Variants in RALGPS2 observed in about 807,000 individuals in gnomAD.
RALGPS2 encodes Ral GEF with PH domain and SH3 binding motif 2.
A neutral mutation model predicts 86.8 loss-of-function variants in RALGPS2; 43 were observed. That is an observed-to-expected ratio of 0.50 (90% CI 0.39 to 0.64). The LOEUF (loss-of-function observed/expected upper bound fraction) is 0.64. Among genes scored for constraint, RALGPS2 ranks in the 30% least tolerant of loss-of-function variants. The probability of loss-of-function intolerance (pLI) is 0.00; values close to 1 mark genes in which losing one functional copy is unlikely to be tolerated. For missense variants in RALGPS2, 536 were observed against 694.6 expected (o/e 0.77, Z 2.57); for synonymous variants, 243 against 231.3 (o/e 1.05, Z -0.46).
In RALGPS2 at chr1:178,918,416, A is replaced by T. The variant is rs1660880152; in HGVS notation, c.*2057A>T. 6.6e-6 allele frequency: 1 copy of T among 152,138 alleles called. No individual in the cohort carries two copies. Among genetic ancestry groups the T allele is most frequent in the African/African-American group, 2.4e-5 (1 of 41,446 alleles). 9.4% of individuals were successfully genotyped at this position (152,138 alleles called of 1,614,324 possible). ...ATTTTTTTTATTTCATTTGTTTGTC[A>T]TAATAAGCTAACGTAGAAATGTTGT... is the stretch of plus-strand genomic sequence containing the variant. On this transcript the variant is annotated 3_prime_UTR_variant, in exon 20 of 20. Coordinates refer to ENST00000367635, the MANE Select transcript of RALGPS2 (RefSeq NM_152663.5).
At chr1:178,747,209 A>T in intron 1 of RALGPS2, 1 of 1,307,022 alleles carries the variant, frequency 7.7e-7, no homozygotes, top group Admixed American at 1.7e-5. Flanking sequence ...ACGGTGGATC[A>T]CCACAGGTCC....
At chr1:178,835,392 CTTTTTT>C (rs71297889) in intron 8 of RALGPS2, among the ~76,000 whole-genome samples, 1 of 122,048 alleles carries the variant, frequency 8.2e-6, no homozygotes, top group Non-Finnish European at 1.7e-5. Context: ...TCTTTCTTTT[CTTTTTT>C]TTTTTTTTTT....
intron 4 of RALGPS2, among the ~76,000 whole-genome samples, chr1:178,805,148 G>T (rs1654680846): frequency 6.6e-6 from 1 of 150,406 alleles, no homozygotes; most frequent in South Asian, 2.1e-4. Flanking sequence ...TTGTAAATTT[G>T]TTTGAGTTCA....
intron 8 of RALGPS2, among the ~76,000 whole-genome samples, chr1:178,848,622 G>A (rs754719307): frequency 2.5e-4 from 38 of 152,128 alleles, no homozygotes; most frequent in Non-Finnish European, 4.7e-4. Context: ...TGAAGATAAT[G>A]GATCAATGTA....
At chr1:178,760,442 G>T (rs1163201620) in intron 1 of RALGPS2, among the ~76,000 whole-genome samples, 6 of 152,152 alleles carry the variant, frequency 3.9e-5, no homozygotes, top group Admixed American at 2.6e-4. Flanking sequence ...TAATGCCCTT[G>T]TCTTTTTTTA....
chr1:178,908,703 T>C (rs1001881423), intron 19 of RALGPS2, among the ~76,000 whole-genome samples: 4 of 152,230 alleles, frequency 2.6e-5, no homozygotes, highest in Non-Finnish European at 5.9e-5. Context: ...GTTGGCCATG[T>C]GTATTTCTTC....
intron 7 of RALGPS2, among the ~76,000 whole-genome samples, chr1:178,827,467 T>C (rs1655802557): frequency 6.8e-6 from 1 of 146,652 alleles, no homozygotes; most frequent in Non-Finnish European, 1.5e-5. Flanking sequence ...GGATCTCGGC[T>C]CACTGCAAGC....
intron 4 of RALGPS2, among the ~76,000 whole-genome samples, chr1:178,798,623 G>C (rs1170273662): frequency 6.6e-6 from 1 of 152,052 alleles, no homozygotes; most frequent in Non-Finnish European, 1.5e-5. Flanking sequence ...AGTGTAAGGA[G>C]CATTGTGTTT....
intron 4 of RALGPS2, among the ~76,000 whole-genome samples, chr1:178,790,079 G>C (rs548828632): frequency 1.4e-4 from 22 of 152,012 alleles, no homozygotes; most frequent in Admixed American, 4.6e-4. Context: ...CTCCCAAGTA[G>C]CTGGGACCAT....
intron 1 of RALGPS2, among the ~76,000 whole-genome samples, chr1:178,740,105 A>G (rs1447178536): frequency 1.3e-5 from 2 of 152,222 alleles, no homozygotes; most frequent in Non-Finnish European, 2.9e-5. Flanking sequence ...GTGATGCTGT[A>G]AATTATATGA....
At chr1:178,730,694 G>GTT (rs770709282) in intron 1 of RALGPS2, among the ~76,000 whole-genome samples, 4 of 136,330 alleles carry the variant, frequency 2.9e-5, no homozygotes, top group African/African-American at 2.7e-5. Context: ...TGAGAATTCT[G>GTT]TTTTTTTTTT....
chr1:178,825,495 C>G (rs1167391707), intron 7 of RALGPS2, among the ~76,000 whole-genome samples: 1 of 151,980 alleles, frequency 6.6e-6, no homozygotes, highest in Non-Finnish European at 1.5e-5. Context: ...ACTAAGAAAC[C>G]AGAGTATTGG....
At chr1:178,751,622 A>G (rs965886341) in intron 1 of RALGPS2, among the ~76,000 whole-genome samples, 9 of 152,170 alleles carry the variant, frequency 5.9e-5, no homozygotes, top group Admixed American at 1.3e-4. Flanking sequence ...CAGTGTTTCA[A>G]TCTCTGTAAC....
chr1:178,884,363 C>T (rs1303322806), intron 11 of RALGPS2, among the ~76,000 whole-genome samples: 2 of 152,086 alleles, frequency 1.3e-5, no homozygotes, highest in Non-Finnish European at 2.9e-5. Context: ...ATAAAATTAT[C>T]ATTATTTAAG....
intron 10 of RALGPS2, 90 bp from the exon 11 acceptor site, chr1:178,883,376 T>C (rs1659343945): frequency 9.9e-7 from 1 of 1,006,732 alleles, no homozygotes; most frequent in Non-Finnish European, 1.5e-6. Context: ...AAAATGTTTT[T>C]AGTTTTTTTG....
At position 178,745,633 on chromosome 1, in the gene RALGPS2, A is replaced by G. The variant is rs181688516; in HGVS notation, c.-84+20214A>G. 1.3e-3 allele frequency among the ~76,000 whole-genome samples: 193 copies of G among 152,288 alleles called. 2 individuals are homozygous for G. The highest frequency in any genetic ancestry group is 4.3e-3 in the African/African-American group (177 of 41,576). On this transcript the variant is annotated intron_variant, in intron 1 of 19. Transcript: ENST00000367635. The stretch of plus-strand genomic sequence containing the variant: ...TGTATGGGAAAATGAGCTCAAAATG[A>G]ATCAAAGACCTAAATGGTCAAGACT...
intron 1 of RALGPS2, among the ~76,000 whole-genome samples, chr1:178,763,385 T>C (rs1044658212): frequency 2.0e-5 from 3 of 152,234 alleles, no homozygotes; most frequent in African/African-American, 7.2e-5. Flanking sequence ...GTGAAGAATG[T>C]CATTGGTAGT....
chr1:178,886,201 C>T, intron 13 of RALGPS2, 81 bp downstream of exon 13: 1 of 1,409,998 alleles, frequency 7.1e-7, no homozygotes, highest in Non-Finnish European at 9.7e-7. Flanking sequence ...AAAAACCCCA[C>T]CCACACACAG....
Position 178,916,381 on chromosome 1 carries a change from G to A in RALGPS2, c.*22G>A, listed in dbSNP as rs1660817228. The A allele has an allele frequency of 1.3e-6, 2 of 1,590,806 alleles. No individual in the cohort carries two copies. Among genetic ancestry groups the A allele is most frequent in the African/African-American group, 1.3e-5 (1 of 74,260 alleles). On this transcript the variant is annotated 3_prime_UTR_variant, in exon 20 of 20. Transcript: ENST00000367635. ...GTAGAAGCCTGAGAAAAAAAGAGAG[G>A]TGAACTGTTGCTTCTACGTGAGCAT...
Sources: allele counts gnomAD v4.1 joint callset (sites outside exome capture counted in the v4.1 genomes callset), GRCh38; gene constraint gnomAD v4.1.1; transcripts MANE v1.5; gene names NCBI Gene and HGNC (gene_info 2026-07-23, HGNC 2026-07-21).